Variants in IGFBP2 observed in about 807,000 individuals in gnomAD.
IGFBP2 encodes insulin-like growth factor-binding protein 2.
In IGFBP2, 12 loss-of-function variants were observed where a neutral mutation model predicts 26.2. The ratio of observed to expected loss-of-function variants is 0.46; its 90% confidence interval spans 0.29 to 0.74. The LOEUF is 0.74. Ranked by LOEUF, IGFBP2 falls within the 30% of genes least tolerant of loss-of-function variation. The probability of loss-of-function intolerance (pLI) is 0.09; values close to 1 mark genes in which losing one functional copy is unlikely to be tolerated. For missense variants in IGFBP2, 328 were observed against 441.2 expected, an observed-to-expected ratio of 0.74 and a Z score of 2.30; for synonymous variants, 189 against 200.6, an observed-to-expected ratio of 0.94 and a Z score of 0.49.
chr2:216,654,007 C>T (rs1011454766), intron 1 of IGFBP2, among the ~76,000 whole-genome samples: 1 of 152,258 alleles, frequency 6.6e-6, no homozygotes, highest in Middle Eastern at 3.4e-3. Flanking sequence ...ACCTTTGCAC[C>T]ATAGCCCATG....
At chr2:216,635,948 G>A (rs1697486024) in intron 1 of IGFBP2, among the ~76,000 whole-genome samples, 1 of 152,144 alleles carries the variant, frequency 6.6e-6, no homozygotes, top group Admixed American at 6.5e-5. Context: ...AAGCAGGGGT[G>A]GAAGGTGGGG....
intron 1 of IGFBP2, among the ~76,000 whole-genome samples, chr2:216,643,372 C>T (rs767184268): frequency 6.6e-6 from 1 of 152,178 alleles, no homozygotes; most frequent in Non-Finnish European, 1.5e-5. Context: ...AAAAAGCCCT[C>T]TGAATGGCAG....
At chr2:216,634,345 G>T (rs1450975701) in intron 1 of IGFBP2, among the ~76,000 whole-genome samples, 1 of 152,160 alleles carries the variant, frequency 6.6e-6, no homozygotes, top group Non-Finnish European at 1.5e-5. Context: ...GAGGACCCAA[G>T]GGTCCTGGTG....
At position 216,661,944 on chromosome 2, in the gene IGFBP2, C is replaced by T; in HGVS notation, c.759C>T (p.Leu253=). Residue 253 remains leucine (L), a synonymous_variant, in exon 3 of 4, where the codon CTC becomes CTT. Transcript: ENST00000233809. ...LPDERGPLEH[L]YSLHIPNCDK... ...ATGAGCGGGGCCCTCTGGAGCACCT[C>T]TACTCCCTGCACATCCCCAACTGTG... is the stretch of plus-strand genomic sequence containing the variant. The T allele has an allele frequency of 6.2e-7, 1 of 1,614,212 alleles. No individual in the cohort carries two copies. The highest frequency in any genetic ancestry group is 8.5e-7 in the Non-Finnish European group (1 of 1,180,032).
rs143950527 is a variant in IGFBP2 at position 216,637,054 on chromosome 2, A to G, written c.442+3089A>G. On this transcript the variant is annotated intron_variant, in intron 1 of 3. Coordinates refer to ENST00000233809, the MANE Select transcript of IGFBP2 (RefSeq NM_000597.3). ...AGTGCAGCTTCAAAAAAAAAGGGGG[A>G]AAAAGCAATGGGACTTCTGGCTCAG... 7.7e-3 allele frequency among the ~76,000 whole-genome samples: 1,168 copies of G among 152,136 alleles called. 14 individuals are homozygous for G. Among genetic ancestry groups the G allele is most frequent in the Non-Finnish European group, 0.012 (846 of 67,982 alleles).
chr2:216,661,483 G>A, intron 2 of IGFBP2: 1 of 367,828 alleles, frequency 2.7e-6, no homozygotes, highest in Non-Finnish European at 5.3e-6. Flanking sequence ...GCCATCTTGG[G>A]TCCTGGCCCT....
At chr2:216,636,728 G>C (rs1279665140) in intron 1 of IGFBP2, among the ~76,000 whole-genome samples, 1 of 152,164 alleles carries the variant, frequency 6.6e-6, no homozygotes, top group Admixed American at 6.5e-5. Context: ...GCCAGTCCAG[G>C]CCCTTTCAGA....
At chr2:216,648,874 T>C (rs1285624974) in intron 1 of IGFBP2, among the ~76,000 whole-genome samples, 1 of 152,208 alleles carries the variant, frequency 6.6e-6, no homozygotes, top group East Asian at 1.9e-4. Context: ...CCCAAAGTGC[T>C]GGGATTACAG....
chr2:216,648,842 C>T (rs762274064), intron 1 of IGFBP2, among the ~76,000 whole-genome samples: 4 of 152,074 alleles, frequency 2.6e-5, no homozygotes, highest in Non-Finnish European at 5.9e-5. Context: ...CTCCTGACCT[C>T]GTGATCCACC....
chr2:216,654,525 G>C (rs1460574029), intron 1 of IGFBP2, among the ~76,000 whole-genome samples: 1 of 152,144 alleles, frequency 6.6e-6, no homozygotes, highest in Non-Finnish European at 1.5e-5. Flanking sequence ...TCTTTGGCTG[G>C]GAACAGTAAC....
At chr2:216,635,279 C>T (rs762276115) in intron 1 of IGFBP2, among the ~76,000 whole-genome samples, 9 of 152,054 alleles carry the variant, frequency 5.9e-5, no homozygotes, top group Non-Finnish European at 1.0e-4. Context: ...CCTCTCAGTC[C>T]CTTTCTTCTC....
intron 1 of IGFBP2, among the ~76,000 whole-genome samples, chr2:216,652,170 A>G (rs1697839321): frequency 1.5e-5 from 2 of 130,954 alleles, no homozygotes; most frequent in African/African-American, 5.7e-5. Context: ...TTTTAGCAGA[A>G]TTTTTTTTTT....
intron 1 of IGFBP2, among the ~76,000 whole-genome samples, chr2:216,655,886 C>G (rs1405109511): frequency 2.0e-5 from 3 of 149,524 alleles, no homozygotes; most frequent in African/African-American, 5.0e-5. Flanking sequence ...CAGAGCGATA[C>G]TCTGTCTCAA....
intron 1 of IGFBP2, among the ~76,000 whole-genome samples, chr2:216,643,124 C>T (rs1485981282): frequency 6.6e-6 from 1 of 152,222 alleles, no homozygotes; most frequent in Non-Finnish European, 1.5e-5. Context: ...ATGGACCTTT[C>T]ACGTCTCTGA....
intron 1 of IGFBP2, among the ~76,000 whole-genome samples, chr2:216,638,341 C>T (rs1405226265): frequency 6.6e-6 from 1 of 151,630 alleles, no homozygotes; most frequent in Non-Finnish European, 1.5e-5. Context: ...CCCATCTCTA[C>T]TAAAAATGCA....
At chr2:216,641,691 T>TC (rs1188483609) in intron 1 of IGFBP2, among the ~76,000 whole-genome samples, 6 of 148,228 alleles carry the variant, frequency 4.0e-5, no homozygotes, top group Non-Finnish European at 8.9e-5. Context: ...GGCTTGCATT[T>TC]TTTTTTTTTT....
In IGFBP2 at chr2:216,664,071, G is replaced by A. The variant is rs1283885898; in HGVS notation, c.945G>A (p.Glu315=). ...ECHLFYNEQQ[E]ARGVHTQRMQ The stretch of plus-strand genomic sequence containing the variant: ...ATCTCTTCTACAATGAGCAGCAGGA[G>A]GCTCGCGGGGTGCACACCCAGCGGA... Residue 315 remains glutamate (E), a synonymous_variant, in exon 4 of 4, where the codon GAG becomes GAA. Transcript: ENST00000233809. This position sits in a 1 kb window ranked among gnomAD's most constrained non-coding sequence, Gnocchi z 4.6. The A allele has an allele frequency of 7.4e-6, 12 of 1,612,588 alleles. No homozygotes were observed. Among genetic ancestry groups the A allele is most frequent in the Non-Finnish European group, 1.0e-5 (12 of 1,179,688 alleles).
chr2:216,633,593 C>CTGCTGG lies in IGFBP2; in HGVS notation c.71_72insGCTGGT (p.Leu25_Gly26insValLeu), dbSNP rs1697430063. ...GCCGCTGCTGCCGCTGCTGCTGCTG[C>CTGCTGG]TACTGGGCGCGAGTGGCGGCGGCGG... On this transcript the variant is annotated inframe_insertion, in exon 1 of 4. Coordinates refer to ENST00000233809, the MANE Select transcript of IGFBP2 (RefSeq NM_000597.3). 9.8e-7 allele frequency: 1 copy of CTGCTGG among 1,016,950 alleles called. No individual in the cohort carries two copies. The highest frequency in any genetic ancestry group is 1.7e-5 in the African/African-American group (1 of 57,306). 63.0% of individuals were successfully genotyped at this position (1,016,950 alleles called of 1,614,324 possible). A position where few individuals can be genotyped will look rare whatever the true frequency, so the allele number is the denominator to read the frequency against.
intron 2 of IGFBP2, 31 bp downstream of exon 2, chr2:216,660,817 TG>T: frequency 6.6e-7 from 1 of 1,526,490 alleles, no homozygotes; most frequent in African/African-American, 1.4e-5. Context: ...GTGGAAGGGG[TG>T]GGAGGACAAG....
Sources: allele counts gnomAD v4.1 joint callset (sites outside exome capture counted in the v4.1 genomes callset), GRCh38; gene constraint gnomAD v4.1.1; non-coding constraint Gnocchi (gnomAD v3.1); transcripts MANE v1.5; gene names NCBI Gene and HGNC (gene_info 2026-07-23, HGNC 2026-07-21).